DPP6: variants seen among roughly 807,000 people sequenced by gnomAD.
The protein encoded by DPP6 is dipeptidyl peptidase like 6.
Under a neutral mutation model 122.6 loss-of-function variants are expected in DPP6, and 69 were observed. The observed-to-expected ratio is 0.56, with a 90% CI of 0.46 to 0.69. DPP6 has a LOEUF of 0.69. Among genes scored for constraint, DPP6 ranks in the 30% least tolerant of loss-of-function variants. The probability of loss-of-function intolerance (pLI) is 0.00; values close to 1 mark genes in which losing one functional copy is unlikely to be tolerated. For missense variants in DPP6, 928 were observed against 1,116.9 expected, an observed-to-expected ratio of 0.83 and a Z score of 2.41; for synonymous variants, 418 against 433.1, an observed-to-expected ratio of 0.97 and a Z score of 0.43.
At chr7:154,682,316 C>G (rs6963491) in intron 7 of DPP6, among the ~76,000 whole-genome samples, 147,563 of 152,358 alleles carry the variant, frequency 0.97, 71,624 homozygotes, top group East Asian at 1. Context: ...AGGCTGAACT[C>G]AACAAGGCGA....
rs1823282940 is a variant in DPP6, at chr7:154,481,385, G to GTGCA, written c.457+6351_457+6354dup. On this transcript the variant is annotated intron_variant, in intron 3 of 25. Transcript: ENST00000377770. This position sits in a 1 kb window ranked among gnomAD's most constrained non-coding sequence, Gnocchi z 4.2. ...TGTGTGTGTGTGTGTCTGTGTGTGT[G>GTGCA]TGCATGTCAGTCACTGGCTAATTTC... Among the ~76,000 whole-genome samples the GTGCA allele has an allele frequency of 6.6e-6, 1 of 150,804 alleles. No homozygotes were observed. Among genetic ancestry groups the GTGCA allele is most frequent in the African/African-American group, 2.5e-5 (1 of 40,726 alleles).
At chr7:154,227,777 A>G (rs555191267) in intron 1 of DPP6, among the ~76,000 whole-genome samples, 38 of 152,134 alleles carry the variant, frequency 2.5e-4, no homozygotes, top group Non-Finnish European at 5.0e-4. Context: ...CTGAAGGAGT[A>G]CTGAGTGCCA....
At chr7:154,667,383 G>C (rs1244616327) in intron 6 of DPP6, among the ~76,000 whole-genome samples, 1 of 152,090 alleles carries the variant, frequency 6.6e-6, no homozygotes, top group Non-Finnish European at 1.5e-5. Context: ...TCTACACCAG[G>C]GTTCAAGAGG....
At chr7:154,433,136 G>GTTTTTTTTTTTTTTTT (rs548053204) in intron 1 of DPP6, among the ~76,000 whole-genome samples, 7 of 72,348 alleles carry the variant, frequency 9.7e-5, no homozygotes, top group African/African-American at 4.2e-4. Context: ...TAGACTGCAA[G>GTTTTTTTTTTTTTTTT]TTTTTTTTTT....
At chr7:154,752,145 C>T (rs1843427245) in intron 8 of DPP6, among the ~76,000 whole-genome samples, 1 of 152,116 alleles carries the variant, frequency 6.6e-6, no homozygotes, top group Admixed American at 6.6e-5. Context: ...GCTGTGTCTG[C>T]TTGGGTGGGG....
At chr7:153,994,243 A>C (rs1270128055) in intron 1 of DPP6, among the ~76,000 whole-genome samples, 1 of 151,640 alleles carries the variant, frequency 6.6e-6, no homozygotes, top group African/African-American at 2.4e-5. Context: ...TAGAATTCAC[A>C]ATGTTAAGAA....
intron 5 of DPP6, among the ~76,000 whole-genome samples, chr7:154,592,873 T>C (rs568690674): frequency 1.3e-5 from 2 of 152,286 alleles, no homozygotes; most frequent in Admixed American, 1.3e-4. Context: ...CCACCCTCAA[T>C]ACAGCCTCGC....
At chr7:153,916,832 C>G (rs913441966) in intron 1 of DPP6, among the ~76,000 whole-genome samples, 4 of 152,140 alleles carry the variant, frequency 2.6e-5, no homozygotes, top group African/African-American at 4.8e-5. Flanking sequence ...TTTTATTACT[C>G]TGTGTGTGTA....
At chr7:154,395,315 G>C (rs1048367137) in intron 1 of DPP6, among the ~76,000 whole-genome samples, 4 of 152,060 alleles carry the variant, frequency 2.6e-5, no homozygotes, top group African/African-American at 9.7e-5. Flanking sequence ...AATTTTGGGG[G>C]GAAACAAACT....
At chr7:153,768,426 G>A in the DPP6 span, among the ~76,000 whole-genome samples, 10 of 152,086 alleles carry the variant, frequency 6.6e-5, no homozygotes, top group African/African-American at 2.2e-4. Flanking sequence ...TCCTTTGTAT[G>A]TCTGTTCGTT....
intron 6 of DPP6, among the ~76,000 whole-genome samples, chr7:154,664,208 G>A (rs1837991257): frequency 6.6e-6 from 1 of 152,038 alleles, no homozygotes; most frequent in Non-Finnish European, 1.5e-5. Context: ...AAGTCATTGT[G>A]AATCACCATG....
intron 5 of DPP6, among the ~76,000 whole-genome samples, chr7:154,571,785 TA>T (rs1379156055): frequency 6.6e-6 from 1 of 152,202 alleles, no homozygotes; most frequent in Admixed American, 6.5e-5. Flanking sequence ...ACTGTTCATA[TA>T]ACTGAAACAC....
chr7:154,331,505 A>T (rs896066460), intron 1 of DPP6, among the ~76,000 whole-genome samples: 1 of 152,116 alleles, frequency 6.6e-6, no homozygotes, highest in African/African-American at 2.4e-5. Flanking sequence ...TTGAATTCCC[A>T]CTTCAGCTGA....
intron 7 of DPP6, among the ~76,000 whole-genome samples, chr7:154,682,465 C>T (rs1232655829): frequency 1.3e-5 from 2 of 152,216 alleles, no homozygotes; most frequent in Non-Finnish European, 2.9e-5. Context: ...GTGCCCCTCA[C>T]GCACTCTCCG....
chr7:154,889,121 A>G, intron 23 of DPP6, 151 bp from the exon 24 acceptor site: 3 of 1,279,212 alleles, frequency 2.3e-6, no homozygotes, highest in Non-Finnish European at 3.1e-6. Context: ...TCTGCCCTGC[A>G]TTTCTTTGCA....
At chr7:154,505,023 A>G (rs532612611) in intron 3 of DPP6, among the ~76,000 whole-genome samples, 1 of 152,278 alleles carries the variant, frequency 6.6e-6, no homozygotes, top group South Asian at 2.1e-4. Context: ...GCAGAATCAG[A>G]ACTAGGAGAC....
the DPP6 span, among the ~76,000 whole-genome samples, chr7:153,799,873 G>A: frequency 6.6e-6 from 1 of 152,114 alleles, no homozygotes; most frequent in African/African-American, 2.4e-5. Context: ...CAGTAACAAG[G>A]CATATTATAA....
chr7:154,446,457 C>T, intron 2 of DPP6, 129 bp downstream of exon 2: 2 of 553,428 alleles, frequency 3.6e-6, no homozygotes, highest in Non-Finnish European at 6.1e-6. Flanking sequence ...TCTCACTATG[C>T]CATATGATAT....
intron 3 of DPP6, among the ~76,000 whole-genome samples, chr7:154,480,609 C>T (rs1823181495): frequency 6.6e-6 from 1 of 152,190 alleles, no homozygotes; most frequent in African/African-American, 2.4e-5. Context: ...TGTTCCTCTC[C>T]TTTTCATGGC....
Sources: gnomAD v4.1 joint callset for allele counts (sites outside exome capture counted in the v4.1 genomes callset) on GRCh38, gnomAD v4.1.1 for gene constraint, Gnocchi (gnomAD v3.1) non-coding constraint, MANE v1.5 for transcripts, NCBI Gene and HGNC (gene_info 2026-07-23, HGNC 2026-07-21) for gene names.